RBFOX3: variants seen among roughly 807,000 people sequenced by gnomAD.
RBFOX3 encodes the protein RNA binding protein fox-1 homolog 3.
Under a neutral mutation model 48.7 loss-of-function variants are expected in RBFOX3, and 17 were observed. The ratio of observed to expected loss-of-function variants is 0.35; its 90% CI spans 0.24 to 0.52. The LOEUF is 0.52. Ranked by LOEUF, RBFOX3 falls within the 20% of genes least tolerant of loss-of-function variation. The pLI, the probability that RBFOX3 is intolerant of heterozygous loss-of-function variation, is 0.94. For missense variants in RBFOX3, 382 were observed against 497.5 expected (o/e 0.77, Z 2.21); for synonymous variants, 212 against 209.5 (o/e 1.01, Z -0.10).
At chr17:79,322,819 G>A (rs572045106) in intron 2 of RBFOX3, among the ~76,000 whole-genome samples, 46 of 152,300 alleles carry the variant, frequency 3.0e-4, no homozygotes, top group East Asian at 2.7e-3. Flanking sequence ...TGAGCTGACC[G>A]GCAGCACTGG....
At chr17:79,663,348 A>T in the RBFOX3 span, among the ~76,000 whole-genome samples, 1 of 152,188 alleles carries the variant, frequency 6.6e-6, no homozygotes, top group Non-Finnish European at 1.5e-5. Context: ...TCGCCTTTTC[A>T]TCAGATTTCA....
intron 4 of RBFOX3, among the ~76,000 whole-genome samples, chr17:79,126,619 C>G (rs1295037892): frequency 6.6e-6 from 1 of 152,174 alleles, no homozygotes; most frequent in East Asian, 1.9e-4. Context: ...AACGAGGCCC[C>G]ATCTCTCTGC....
At chr17:79,664,395 G>T in the RBFOX3 span, among the ~76,000 whole-genome samples, 1 of 151,524 alleles carries the variant, frequency 6.6e-6, no homozygotes, top group Non-Finnish European at 1.5e-5. Flanking sequence ...GCCCAGGCTG[G>T]AGTGCAGTGG....
At chr17:79,289,126 C>A (rs2072688338) in intron 3 of RBFOX3, among the ~76,000 whole-genome samples, 1 of 152,188 alleles carries the variant, frequency 6.6e-6, no homozygotes. Context: ...CCCCAGATCC[C>A]AAAAGACACG....
In RBFOX3 at chr17:79,101,739, G is replaced by A. The variant is rs1196826814; in HGVS notation, c.508-95C>T. ...TCCCCGCCCTGCTCCGTTAGCCCCC[G>A]GCACCCCCCGCCCCAGCCTCCTCTC... is the stretch of plus-strand genomic sequence containing the variant. On this transcript the variant is annotated intron_variant, in intron 8 of 14. Coordinates refer to ENST00000693108, the MANE Select transcript of RBFOX3 (RefSeq NM_001350451.2). 214 of 1,054,792 alleles carry A rather than the reference G, an allele frequency of 2.0e-4. 1 individual carries two copies. The Admixed American group carries it at 2.9e-3, about 14-fold the overall frequency. The allele number at this position is 1,054,792 out of a possible 1,614,324, so 65.3% of individuals were successfully genotyped here. A position where few individuals can be genotyped will look rare whatever the true frequency, so the allele number is the denominator to read the frequency against.
At chr17:79,174,090 C>T (rs1418625710) in intron 4 of RBFOX3, among the ~76,000 whole-genome samples, 1 of 152,100 alleles carries the variant, frequency 6.6e-6, no homozygotes, top group Non-Finnish European at 1.5e-5. Context: ...GTCTCAGTCC[C>T]AAATGGGGAG....
the RBFOX3 span, among the ~76,000 whole-genome samples, chr17:79,645,151 G>A: frequency 2.0e-4 from 31 of 152,166 alleles, no homozygotes; most frequent in South Asian, 5.4e-3. Context: ...GGGCCATCGT[G>A]AAGCCCCCGA....
At chr17:79,292,812 T>C (rs2073594625) in intron 3 of RBFOX3, among the ~76,000 whole-genome samples, 1 of 126,644 alleles carries the variant, frequency 7.9e-6, no homozygotes, top group Non-Finnish European at 1.7e-5. Context: ...TGAAACTGCA[T>C]TTGGGGGAAA....
At chr17:79,356,821 C>G (rs760098215) in intron 2 of RBFOX3, among the ~76,000 whole-genome samples, 19 of 152,162 alleles carry the variant, frequency 1.2e-4, no homozygotes, top group Non-Finnish European at 2.5e-4. Flanking sequence ...AGTCAGTTTT[C>G]ACCTTGCAGT....
At chr17:79,097,789 C>A (rs1247668024) in intron 9 of RBFOX3, 44 bp from the exon 10 acceptor site, 1 of 1,542,782 alleles carries the variant, frequency 6.5e-7, no homozygotes, top group Non-Finnish European at 8.8e-7. Flanking sequence ...TTCCCCGACC[C>A]TTTTCCCACC....
intron 2 of RBFOX3, among the ~76,000 whole-genome samples, chr17:79,433,185 G>A (rs1555729302): frequency 6.6e-6 from 1 of 152,146 alleles, no homozygotes; most frequent in East Asian, 1.9e-4. Context: ...CAGGAAAATG[G>A]TGTGAGTCAC....
chr17:79,165,643 G>A (rs1000311233), intron 4 of RBFOX3, among the ~76,000 whole-genome samples: 2 of 152,214 alleles, frequency 1.3e-5, no homozygotes, highest in Non-Finnish European at 2.9e-5. Context: ...TGGCTTCGCC[G>A]GCCGGGGTCC....
At position 79,497,558 on chromosome 17, in the gene RBFOX3, G is replaced by A. The variant is rs372540524; in HGVS notation, c.-319-14960C>T. Among the ~76,000 whole-genome samples, 914 of 152,318 alleles carry A rather than the reference G, an allele frequency of 6.0e-3. 9 individuals are homozygous for A. The highest frequency in any genetic ancestry group is 0.021 in the African/African-American group (862 of 41,578). On this transcript the variant is annotated intron_variant, in intron 1 of 14. Coordinates refer to ENST00000693108, the MANE Select transcript of RBFOX3 (RefSeq NM_001350451.2). ...AGTGGCAGGAAGGCCAGAAGCCACC[G>A]GTGTCCACACAAAGCCTGGCTCTTT...
intron 1 of RBFOX3, among the ~76,000 whole-genome samples, chr17:79,542,769 C>T (rs1164292835): frequency 3.9e-5 from 6 of 152,020 alleles, no homozygotes; most frequent in Admixed American, 6.5e-5. Flanking sequence ...GGCAACAGAG[C>T]GGGACTCCAT....
intron 2 of RBFOX3, among the ~76,000 whole-genome samples, chr17:79,450,541 A>ATT (rs11387223): frequency 0.43 from 64,052 of 150,402 alleles, 13,999 homozygotes; most frequent in Non-Finnish European, 0.48. Flanking sequence ...TGGACTTCTG[A>ATT]TTTTTTTTTT....
intron 2 of RBFOX3, among the ~76,000 whole-genome samples, chr17:79,312,178 G>A (rs1568021553): frequency 6.6e-6 from 1 of 151,818 alleles, no homozygotes; most frequent in Non-Finnish European, 1.5e-5. Context: ...CAAAGCCTCT[G>A]CAGCCTCCAG....
Position 79,390,623 on chromosome 17 carries a change from G to A in RBFOX3, c.-174-82799C>T, listed in dbSNP as rs539348941. 1.5e-4 allele frequency among the ~76,000 whole-genome samples: 23 copies of A among 152,194 alleles called. No individual in the cohort carries two copies. The highest frequency in any genetic ancestry group is 3.6e-4 in the African/African-American group (15 of 41,518). On this transcript the variant is annotated intron_variant, in intron 2 of 14. Transcript: ENST00000693108. This position sits in a 1 kb window ranked among gnomAD's most constrained non-coding sequence, Gnocchi z 4.2. ...CTCCCAAGTAGCTGGGATTACAGGCGCCTGCCACCAAACCCAGCTAATTTT... is the reference window on the plus strand; with the variant it reads ...CTCCCAAGTAGCTGGGATTACAGGCACCTGCCACCAAACCCAGCTAATTTT...
intron 3 of RBFOX3, among the ~76,000 whole-genome samples, chr17:79,271,532 A>G (rs1170669534): frequency 6.6e-6 from 1 of 152,132 alleles, no homozygotes; most frequent in Non-Finnish European, 1.5e-5. Context: ...TTCTCCCAGG[A>G]TCAGGTCCCT....
intron 2 of RBFOX3, among the ~76,000 whole-genome samples, chr17:79,354,070 C>T (rs1014509910): frequency 6.6e-6 from 1 of 152,116 alleles, no homozygotes; most frequent in African/African-American, 2.4e-5. Context: ...TCCCACAGAC[C>T]CCCTGCCCTC....
Sources: gnomAD v4.1 joint callset for allele counts (sites outside exome capture counted in the v4.1 genomes callset) on GRCh38, gnomAD v4.1.1 for gene constraint, Gnocchi (gnomAD v3.1) non-coding constraint, MANE v1.5 for transcripts, NCBI Gene and HGNC (gene_info 2026-07-23, HGNC 2026-07-21) for gene names.